APBA2: variants seen among roughly 807,000 people sequenced by gnomAD.
APBA2 encodes amyloid beta precursor protein binding family A member 2, also known as amyloid-beta A4 precursor protein-binding family A member 2.
A neutral mutation model predicts 75.0 loss-of-function variants in APBA2; 30 were observed. The ratio of observed to expected loss-of-function variants is 0.40; its 90% CI spans 0.30 to 0.54. The LOEUF (loss-of-function observed/expected upper bound fraction) is 0.54. Among genes scored for constraint, APBA2 ranks in the 20% least tolerant of loss-of-function variants. The pLI, the probability that APBA2 is intolerant of heterozygous loss-of-function variation, is 0.49. For missense variants in APBA2, 801 were observed against 1,016.1 expected, an observed-to-expected ratio of 0.79 and a Z score of 2.88; for synonymous variants, 444 against 409.6, an observed-to-expected ratio of 1.08 and a Z score of -1.01.
chr15:28,917,416 T>TCCCTTTA (rs2033735874), intron 1 of APBA2, among the ~76,000 whole-genome samples: 1 of 152,182 alleles, frequency 6.6e-6, no homozygotes, highest in South Asian at 2.1e-4. Context: ...AGCCCCATCT[T>TCCCTTTA]CCCTTTACCC....
intron 4 of APBA2, among the ~76,000 whole-genome samples, chr15:29,058,197 T>C (rs928499848): frequency 6.6e-6 from 1 of 152,182 alleles, no homozygotes; most frequent in African/African-American, 2.4e-5. Context: ...AGGACATTGC[T>C]TTGGTCTGGT....
chr15:29,110,735 G>C (rs1446842009), intron 13 of APBA2, among the ~76,000 whole-genome samples: 2 of 152,200 alleles, frequency 1.3e-5, no homozygotes, highest in East Asian at 3.9e-4. Flanking sequence ...GGAAGGGAAG[G>C]ACTCCGGTTT....
chr15:29,066,945 A>G (rs2042403290), intron 4 of APBA2, among the ~76,000 whole-genome samples: 1 of 152,174 alleles, frequency 6.6e-6, no homozygotes, highest in Admixed American at 6.5e-5. Context: ...CTGTAGAGGA[A>G]GCATAATACT....
At chr15:29,078,380 A>G (rs896856289) in intron 6 of APBA2, among the ~76,000 whole-genome samples, 2 of 152,180 alleles carry the variant, frequency 1.3e-5, no homozygotes, top group East Asian at 1.9e-4. Flanking sequence ...TGGGAGGCCA[A>G]GGTGGGTGGA....
At chr15:28,889,013 C>T (rs556298528) in intron 1 of APBA2, among the ~76,000 whole-genome samples, 3 of 152,054 alleles carry the variant, frequency 2.0e-5, no homozygotes, top group Non-Finnish European at 2.9e-5. Context: ...GTGTGCCCAG[C>T]GGGGGCTGGG....
intron 8 of APBA2, among the ~76,000 whole-genome samples, 160 bp from the exon 9 acceptor site, chr15:29,098,330 C>T (rs553997287): frequency 3.3e-4 from 50 of 152,250 alleles, no homozygotes; most frequent in Admixed American, 2.2e-3. Context: ...ATCTTTTTGA[C>T]GAGAGCCATT....
intron 1 of APBA2, among the ~76,000 whole-genome samples, chr15:28,912,425 C>G (rs990574887): frequency 2.0e-5 from 3 of 152,350 alleles, no homozygotes; most frequent in Middle Eastern, 3.4e-3. Context: ...ATGATCAGGA[C>G]TGGATCTTGT....
At chr15:29,092,973 G>A (rs549140276) in intron 6 of APBA2, 102 bp from the exon 7 acceptor site, 8 of 1,493,692 alleles carry the variant, frequency 5.4e-6, no homozygotes, top group Admixed American at 1.7e-5. Flanking sequence ...AGTTTGCCCC[G>A]CATCCTGGCT....
At chr15:28,984,706 C>T (rs189468042) in intron 2 of APBA2, among the ~76,000 whole-genome samples, 7 of 151,942 alleles carry the variant, frequency 4.6e-5, no homozygotes, top group Non-Finnish European at 8.8e-5. Context: ...TCTCTCCCTC[C>T]ACTGCCATCT....
intron 1 of APBA2, among the ~76,000 whole-genome samples, chr15:28,902,051 G>A (rs1018575005): frequency 6.6e-6 from 1 of 151,728 alleles, no homozygotes. Flanking sequence ...AGGCATCACA[G>A]ATGGGGGCTC....
chr15:28,904,325 C>A (rs2033030591), intron 1 of APBA2, among the ~76,000 whole-genome samples: 1 of 152,176 alleles, frequency 6.6e-6, no homozygotes, highest in Admixed American at 6.5e-5. Context: ...TTCTTCCACA[C>A]CCAGCCATAC....
chr15:28,909,504 T>A (rs1262383302), intron 1 of APBA2, among the ~76,000 whole-genome samples: 1 of 152,230 alleles, frequency 6.6e-6, no homozygotes, highest in Admixed American at 6.5e-5. Flanking sequence ...TTGTTTGTGG[T>A]TCATCCCTCA....
At chr15:28,943,256 G>A (rs2152708177) in intron 2 of APBA2, among the ~76,000 whole-genome samples, 1 of 152,290 alleles carries the variant, frequency 6.6e-6, no homozygotes, top group Non-Finnish European at 1.5e-5. Flanking sequence ...CCAGGCTACA[G>A]GGCTCACAGC....
chr15:29,025,722 C>T (rs981925561), intron 3 of APBA2, among the ~76,000 whole-genome samples: 2 of 151,962 alleles, frequency 1.3e-5, no homozygotes, highest in South Asian at 2.1e-4. Flanking sequence ...GAGGCCGAGG[C>T]GGGCAGATCA....
rs539439684 is a variant in APBA2, at chr15:29,117,317, T to TATCA, written c.*186_*189dup. 781 of 614,430 alleles carry TATCA rather than the reference T, an allele frequency of 1.3e-3. 10 individuals are homozygous for TATCA. The African/African-American group carries it at 0.013, about 10-fold the overall frequency. 38.1% of individuals were successfully genotyped at this position (614,430 alleles called of 1,614,324 possible). A position where few individuals can be genotyped will look rare whatever the true frequency, so the allele number is the denominator to read the frequency against. On this transcript the variant is annotated 3_prime_UTR_variant, in exon 15 of 15. Coordinates refer to ENST00000683413, the MANE Select transcript of APBA2 (RefSeq NM_001353788.2). ...ATTTTGCCAAAAAGGGGTATGTCTT[T>TATCA]ATCAAAGGAGAGTCACAGAACAAAT... is the stretch of plus-strand genomic sequence containing the variant.
intron 2 of APBA2, among the ~76,000 whole-genome samples, chr15:28,929,545 GCC>G (rs1424146275): frequency 7.9e-5 from 12 of 152,236 alleles, no homozygotes; most frequent in African/African-American, 2.6e-4. Context: ...TGGTGCTGGC[GCC>G]CAGGCTTCCC....
chr15:28,994,163 C>T (rs57628640), intron 2 of APBA2, among the ~76,000 whole-genome samples: 11,959 of 152,228 alleles, frequency 0.079, 649 homozygotes, highest in East Asian at 0.27. Flanking sequence ...TGATTCCAGG[C>T]AACATTCTAG....
intron 11 of APBA2, among the ~76,000 whole-genome samples, chr15:29,105,804 C>T (rs992281354): frequency 2.0e-5 from 3 of 152,206 alleles, no homozygotes; most frequent in Admixed American, 2.0e-4. Flanking sequence ...CCTTTTAATG[C>T]TGCTATTATC....
intron 1 of APBA2, among the ~76,000 whole-genome samples, chr15:28,920,215 C>T (rs967029314): frequency 6.6e-6 from 1 of 152,102 alleles, no homozygotes; most frequent in Non-Finnish European, 1.5e-5. Flanking sequence ...GATGCCTGCA[C>T]CAGCTGGGTT....
Sources: allele counts gnomAD v4.1 joint callset (sites outside exome capture counted in the v4.1 genomes callset), GRCh38; gene constraint gnomAD v4.1.1; transcripts MANE v1.5; gene names NCBI Gene and HGNC (gene_info 2026-07-23, HGNC 2026-07-21).